SUMF1: variants seen among roughly 807,000 people sequenced by gnomAD.
SUMF1 encodes the protein sulfatase modifying factor 1, also known as formylglycine-generating enzyme.
SUMF1 carries 48 observed loss-of-function variants against 47.6 expected under a neutral mutation model. The observed-to-expected ratio is 1.01, with a 90% confidence interval of 0.80 to 1.28. SUMF1 has a LOEUF of 1.28. Ranked by LOEUF, SUMF1 falls within the 50% of genes most tolerant of loss-of-function variation. The probability of loss-of-function intolerance (pLI) is 0.00; values close to 1 mark genes in which losing one functional copy is unlikely to be tolerated. For missense variants in SUMF1, 571 were observed against 485.4 expected, an observed-to-expected ratio of 1.18 and a Z score of -1.66; for synonymous variants, 230 against 192.1, an observed-to-expected ratio of 1.20 and a Z score of -1.63.
intron 8 of SUMF1, among the ~76,000 whole-genome samples, chr3:4,281,818 G>A (rs1697536291): frequency 6.6e-6 from 1 of 152,032 alleles, no homozygotes; most frequent in Non-Finnish European, 1.5e-5. Context: ...GAAGAAAAGT[G>A]GGAACAGGAG....
At position 4,136,421 on chromosome 3, in the gene SUMF1, T is replaced by C. The variant is rs896571893; in HGVS notation, c.1015-67676A>G. The stretch of plus-strand genomic sequence containing the variant: ...GCTGGGAAAACTGGCTAGCCATATG[T>C]AGAAAGCTGAAACTGGATCCCTTCC... On this transcript the variant is annotated intron_variant and NMD_transcript_variant, in intron 8 of 12. Coordinates refer to the SUMF1 transcript ENST00000448413. 1.3e-4 allele frequency among the ~76,000 whole-genome samples: 20 copies of C among 152,218 alleles called. No homozygotes were observed. The South Asian group carries it at 3.9e-3, about 30-fold the overall frequency.
chr3:4,108,748 C>T lies in SUMF1; in HGVS notation c.1015-40003G>A, dbSNP rs536037777. On this transcript the variant is annotated intron_variant and NMD_transcript_variant, in intron 8 of 12. Transcript: ENST00000448413. Reference sequence around the variant, plus strand: ...TTATCAGAGACTAGGATTGCAACCCCTGCCTTTTTTCTGTTTTCCATTTGC... The same window carrying T: ...TTATCAGAGACTAGGATTGCAACCCTTGCCTTTTTTCTGTTTTCCATTTGC... Among the ~76,000 whole-genome samples, 264 of 152,182 alleles carry T rather than the reference C, an allele frequency of 1.7e-3. 2 individuals carry two copies. The highest frequency in any genetic ancestry group is 6.8e-3 in the Middle Eastern group (2 of 294).
At chr3:4,390,760 T>C (rs1700836142) in intron 7 of SUMF1, among the ~76,000 whole-genome samples, 2 of 152,240 alleles carry the variant, frequency 1.3e-5, no homozygotes, top group South Asian at 4.2e-4. Context: ...TTTTTGTATT[T>C]TTTATAGAGA....
intron 8 of SUMF1, among the ~76,000 whole-genome samples, chr3:4,353,731 C>T (rs1046115621): frequency 6.6e-6 from 1 of 152,082 alleles, no homozygotes; most frequent in Non-Finnish European, 1.5e-5. Context: ...CTGGAGGTCT[C>T]TGGGGTCTCC....
At chr3:4,079,780 G>T (rs1692520900) in intron 8 of SUMF1, among the ~76,000 whole-genome samples, 1 of 150,724 alleles carries the variant, frequency 6.6e-6, no homozygotes, top group Non-Finnish European at 1.5e-5. Context: ...GGTGACAGTG[G>T]CAGTAACAGT....
chr3:4,362,683 A>G (rs1477470552), intron 8 of SUMF1, among the ~76,000 whole-genome samples: 1 of 152,180 alleles, frequency 6.6e-6, no homozygotes, highest in Non-Finnish European at 1.5e-5. Flanking sequence ...ACATTTTGGG[A>G]GGCTGAAATG....
At chr3:4,313,271 A>G in intron 8 of SUMF1, 1 of 1,613,972 alleles carries the variant, frequency 6.2e-7, no homozygotes, top group Non-Finnish European at 8.5e-7. Flanking sequence ...GGATTCTCTG[A>G]AGTTCAGAGA....
chr3:4,090,717 C>T (rs1692766907), intron 8 of SUMF1, among the ~76,000 whole-genome samples: 1 of 152,024 alleles, frequency 6.6e-6, no homozygotes, highest in Non-Finnish European at 1.5e-5. Context: ...GCATTTATTC[C>T]TTGATTTAAC....
In SUMF1 at chr3:4,059,796, G is replaced by GAA. The variant is rs35902458; in HGVS notation, c.1191+8771_1191+8772dup. 9.6e-3 allele frequency among the ~76,000 whole-genome samples: 1,185 copies of GAA among 122,868 alleles called. 7 individuals are homozygous for GAA. Among genetic ancestry groups the GAA allele is most frequent in the Non-Finnish European group, 0.014 (796 of 58,808 alleles). 80.6% of individuals were successfully genotyped at this position (122,868 alleles called of 152,430 possible). A position where few individuals can be genotyped will look rare whatever the true frequency, so the allele number is the denominator to read the frequency against. ...TAGGAATTTAAAAGGTGTCCCTGTGGAAAAAAAAAAAAAAAACCTTGAGCT... is the reference window on the plus strand; with the variant it reads ...TAGGAATTTAAAAGGTGTCCCTGTGGAAAAAAAAAAAAAAAAAACCTTGAGCT... On this transcript the variant is annotated intron_variant and NMD_transcript_variant, in intron 9 of 12. Coordinates refer to the SUMF1 transcript ENST00000448413.
intron 8 of SUMF1, among the ~76,000 whole-genome samples, chr3:4,350,032 G>A (rs372833596): frequency 5.5e-5 from 8 of 144,240 alleles, no homozygotes; most frequent in African/African-American, 7.8e-5. Flanking sequence ...ATGGAGTCTC[G>A]CTCTGTCGCC....
At chr3:4,368,572 G>C (rs1173957645) in intron 8 of SUMF1, among the ~76,000 whole-genome samples, 2 of 152,104 alleles carry the variant, frequency 1.3e-5, no homozygotes, top group Non-Finnish European at 2.9e-5. Flanking sequence ...CAATAGCAAA[G>C]ACTTGGAACC....
At chr3:4,432,325 C>T (rs556690673) in intron 3 of SUMF1, among the ~76,000 whole-genome samples, 1 of 151,980 alleles carries the variant, frequency 6.6e-6, no homozygotes, top group Non-Finnish European at 1.5e-5. Context: ...TCTCTTCCTA[C>T]CACCTGGTTC....
chr3:4,417,912 A>C, intron 5 of SUMF1, 98 bp downstream of exon 5: 3 of 1,585,908 alleles, frequency 1.9e-6, no homozygotes, highest in Non-Finnish European at 2.6e-6. Context: ...TGTCGTTATT[A>C]ACTTTCTAAC....
At chr3:4,144,947 C>G (rs1419385022) in intron 8 of SUMF1, among the ~76,000 whole-genome samples, 1 of 152,034 alleles carries the variant, frequency 6.6e-6, no homozygotes, top group African/African-American at 2.4e-5. Flanking sequence ...CGCCTGTAAT[C>G]CCAGCACTTT....
intron 8 of SUMF1, among the ~76,000 whole-genome samples, chr3:4,335,037 G>C (rs1038315781): frequency 6.6e-6 from 1 of 152,118 alleles, no homozygotes; most frequent in Non-Finnish European, 1.5e-5. Context: ...TTCTTAACCA[G>C]CCAGGGATTT....
chr3:4,076,154 T>G (rs1692428021), intron 8 of SUMF1, among the ~76,000 whole-genome samples: 1 of 151,940 alleles, frequency 6.6e-6, no homozygotes, highest in African/African-American at 2.4e-5. Context: ...TATAGACCAA[T>G]GGAACAGAAC....
chr3:4,333,945 C>T (rs1301675209), intron 8 of SUMF1, among the ~76,000 whole-genome samples: 1 of 151,708 alleles, frequency 6.6e-6, no homozygotes, highest in African/African-American at 2.4e-5. Context: ...CTGAACAATA[C>T]AGTGAGACCC....
intron 8 of SUMF1, among the ~76,000 whole-genome samples, chr3:4,133,762 G>C (rs1693848712): frequency 6.6e-6 from 1 of 151,944 alleles, no homozygotes; most frequent in South Asian, 2.1e-4. Context: ...CCTATTGTAG[G>C]ACCTTCTGAT....
At chr3:4,101,787 T>G in intron 8 of SUMF1, among the ~76,000 whole-genome samples, 2 of 152,066 alleles carry the variant, frequency 1.3e-5, no homozygotes, top group Admixed American at 1.3e-4. Flanking sequence ...AAATGTGAGT[T>G]TTATTAAAAT....
Sources: gnomAD v4.1 joint callset for allele counts (sites outside exome capture counted in the v4.1 genomes callset) on GRCh38, gnomAD v4.1.1 for gene constraint, MANE v1.5 for transcripts, NCBI Gene and HGNC (gene_info 2026-07-23, HGNC 2026-07-21) for gene names.